The following ADAM19 variants were observed in gnomAD, a reference collection of about 807,000 sequenced individuals.
ADAM19 encodes the protein disintegrin and metalloproteinase domain-containing protein 19.
A neutral mutation model predicts 114.7 loss-of-function variants in ADAM19; 65 were observed. The observed-to-expected ratio is 0.57, with a 90% CI of 0.46 to 0.70. The LOEUF (loss-of-function observed/expected upper bound fraction) is 0.70, where lower values mean the gene tolerates loss of function less well. Among genes scored for constraint, ADAM19 ranks in the 30% least tolerant of loss-of-function variants. ADAM19 has a pLI of 0.00. For missense variants in ADAM19, 1,063 were observed against 1,204.7 expected (o/e 0.88, Z 1.74); for synonymous variants, 466 against 460.5 (o/e 1.01, Z -0.15).
intron 5 of ADAM19, among the ~76,000 whole-genome samples, chr5:157,527,902 A>T (rs952838883): frequency 6.6e-6 from 1 of 152,148 alleles, no homozygotes; most frequent in Non-Finnish European, 1.5e-5. Context: ...AACTGCTTTG[A>T]AGAGAAGAGG....
chr5:157,489,238 G>T, intron 19 of ADAM19, 52 bp from the exon 20 acceptor site: 1 of 1,336,898 alleles, frequency 7.5e-7, no homozygotes, highest in South Asian at 1.2e-5. Flanking sequence ...TTCAGCAGGG[G>T]ACAGTGCCTG....
intron 3 of ADAM19, among the ~76,000 whole-genome samples, chr5:157,559,477 G>A (rs1228286437): frequency 1.3e-5 from 2 of 152,220 alleles, no homozygotes; most frequent in Admixed American, 6.5e-5. Context: ...ATGCGGCCCA[G>A]TGAGCATCCA....
At chr5:157,498,426 A>G (rs1755435067) in intron 13 of ADAM19, among the ~76,000 whole-genome samples, 1 of 152,208 alleles carries the variant, frequency 6.6e-6, no homozygotes, top group Non-Finnish European at 1.5e-5. Context: ...CTGCTGTGTA[A>G]CCTGTGTGTG....
At chr5:157,490,590 A>G in intron 18 of ADAM19, 136 bp from the exon 19 acceptor site, 1 of 1,169,754 alleles carries the variant, frequency 8.5e-7, no homozygotes, top group South Asian at 1.5e-5. Context: ...CTTACAAATT[A>G]TAATTAAAAA....
At chr5:157,543,619 T>C (rs576577309) in intron 3 of ADAM19, among the ~76,000 whole-genome samples, 65 of 152,338 alleles carry the variant, frequency 4.3e-4, no homozygotes, top group African/African-American at 1.2e-3. Flanking sequence ...TAGCTATATA[T>C]ACACGTGGCA....
chr5:157,504,362 C>T (rs551425321), intron 11 of ADAM19, among the ~76,000 whole-genome samples: 109 of 152,196 alleles, frequency 7.2e-4, no homozygotes, highest in Non-Finnish European at 1.0e-3. Context: ...GTGATTTTCC[C>T]GCCTCAGCCT....
At chr5:157,521,829 G>C (rs1756298222) in intron 5 of ADAM19, among the ~76,000 whole-genome samples, 1 of 152,166 alleles carries the variant, frequency 6.6e-6, no homozygotes, top group Non-Finnish European at 1.5e-5. Context: ...AGCCAACCAA[G>C]GCCTCTCCCA....
intron 4 of ADAM19, among the ~76,000 whole-genome samples, chr5:157,533,192 T>C (rs1391439926): frequency 2.0e-5 from 3 of 152,244 alleles, no homozygotes; most frequent in African/African-American, 7.2e-5. Flanking sequence ...CCCTTTCATC[T>C]GCATATGATC....
chr5:157,510,259 G>A (rs1026388418), intron 8 of ADAM19, among the ~76,000 whole-genome samples: 57 of 152,226 alleles, frequency 3.7e-4, no homozygotes, highest in African/African-American at 1.3e-3. Context: ...TGGATCACAT[G>A]AGGTCGGGAG....
chr5:157,479,458 A>G lies in ADAM19; in HGVS notation c.*1491T>C, dbSNP rs1341377119. On this transcript the variant is annotated 3_prime_UTR_variant, in exon 23 of 23. Coordinates refer to ENST00000257527, the MANE Select transcript of ADAM19 (RefSeq NM_033274.5). ...GAGTCAGGCCAGCTCCTGTCCGGAG[A>G]GCCACCCAGCACCTTTGTGGAGTGG... 1 of 985,836 alleles carries G rather than the reference A, an allele frequency of 1.0e-6. No individual in the cohort carries two copies. The highest frequency in any genetic ancestry group is 1.7e-5 in the African/African-American group (1 of 57,240). The allele number at this position is 985,836 out of a possible 1,614,324, so 61.1% of individuals were successfully genotyped here.
chr5:157,504,348 T>G (rs1251754113), intron 11 of ADAM19, among the ~76,000 whole-genome samples: 1 of 152,122 alleles, frequency 6.6e-6, no homozygotes, highest in African/African-American at 2.4e-5. Flanking sequence ...CCTCTCGAGT[T>G]CAAGTGATTT....
At chr5:157,500,622 A>G (rs1439233543) in intron 12 of ADAM19, among the ~76,000 whole-genome samples, 1 of 152,126 alleles carries the variant, frequency 6.6e-6, no homozygotes, top group South Asian at 2.1e-4. Context: ...CTGCTGGAAC[A>G]ACCTCTCCAA....
intron 1 of ADAM19, among the ~76,000 whole-genome samples, chr5:157,574,693 C>T (rs1286133169): frequency 1.3e-5 from 2 of 152,168 alleles, no homozygotes; most frequent in African/African-American, 2.4e-5. Context: ...CGGGCACCGC[C>T]CCCCGGGACC....
rs770714695 is a variant in ADAM19 at position 157,509,460 on chromosome 5, C to A, written c.746G>T (p.Arg249Leu). 6.3e-7 allele frequency: 1 copy of A among 1,588,728 alleles called. No individual in the cohort carries two copies. Among genetic ancestry groups the A allele is most frequent in the East Asian group, 2.3e-5 (1 of 44,188 alleles). The change falls in exon 9 of 23, where the codon CGA becomes CTA. Residue 249 changes from arginine to leucine, a missense_variant. Physicochemically the swap from Arg to Leu is moderately radical, Grantham distance 102 (BLOSUM62 -2). Coordinates refer to ENST00000257527, the MANE Select transcript of ADAM19 (RefSeq NM_033274.5). Reference sequence around the variant, plus strand: ...GAGAGCAATCCGGATGTTCAAGGATCGGTAAAACTGAAAGGACACAGAAAA... The same window carrying A: ...GAGAGCAATCCGGATGTTCAAGGATAGGTAAAACTGAAAGGACACAGAAAA... ...EIANYVDKFYRSLNIRIALVG... is the reference protein window; with the variant it reads ...EIANYVDKFYLSLNIRIALVG...
chr5:157,504,991 C>T (rs898478443), intron 11 of ADAM19, among the ~76,000 whole-genome samples: 19 of 151,672 alleles, frequency 1.3e-4, no homozygotes, highest in South Asian at 4.2e-4. Context: ...TGGTGGCAGG[C>T]GCCTGTATTC....
chr5:157,534,432 C>T (rs1756708153), intron 4 of ADAM19, among the ~76,000 whole-genome samples: 1 of 152,202 alleles, frequency 6.6e-6, no homozygotes, highest in Admixed American at 6.5e-5. Flanking sequence ...TACGCTACTG[C>T]ACTCCAGTGT....
chr5:157,479,457 G>C lies in ADAM19; in HGVS notation c.*1492C>G, dbSNP rs1458835322. 2 of 985,846 alleles carry C rather than the reference G, an allele frequency of 2.0e-6. No homozygotes were observed. The highest frequency in any genetic ancestry group is 1.2e-6 in the Non-Finnish European group (1 of 830,050). 61.1% of individuals were successfully genotyped at this position (985,846 alleles called of 1,614,324 possible). ...AGAGTCAGGCCAGCTCCTGTCCGGA[G>C]AGCCACCCAGCACCTTTGTGGAGTG... is the stretch of plus-strand genomic sequence containing the variant. On this transcript the variant is annotated 3_prime_UTR_variant, in exon 23 of 23. Coordinates refer to ENST00000257527, the MANE Select transcript of ADAM19 (RefSeq NM_033274.5).
intron 2 of ADAM19, chr5:157,569,139 TG>T (rs1368966194): frequency 6.6e-6 from 1 of 152,188 alleles, no homozygotes; most frequent in Non-Finnish European, 1.5e-5. Context: ...AGACTTTTCC[TG>T]AAGCTATTTT....
intron 3 of ADAM19, among the ~76,000 whole-genome samples, chr5:157,560,264 CAAAAAAAAAAAAAAAA>C (rs35731498): frequency 7.7e-5 from 4 of 51,708 alleles, no homozygotes; most frequent in South Asian, 9.3e-4. Context: ...GACTCCGTCT[CAAAAAAAAAAAAAAAA>C]AAAAAAAAAA....
Sources: gnomAD v4.1 joint callset for allele counts (sites outside exome capture counted in the v4.1 genomes callset) on GRCh38, gnomAD v4.1.1 for gene constraint, MANE v1.5 for transcripts, NCBI Gene and HGNC (gene_info 2026-07-23, HGNC 2026-07-21) for gene names.